Variants in TYW2 observed in about 807,000 individuals in gnomAD.
TYW2 encodes the protein tRNA wybutosine-synthesizing protein 2 homolog.
At chr8:124,451,394 T>C in the TYW2 span, 2 of 1,614,156 alleles carry the variant, frequency 1.2e-6, no homozygotes, top group South Asian at 1.1e-5. Flanking sequence ...TGGAAAAATC[T>C]GGGACCGGAA....
At chr8:124,451,309 G>A in the TYW2 span, 112 of 1,614,196 alleles carry the variant, frequency 6.9e-5, no homozygotes, top group African/African-American at 1.4e-3. Flanking sequence ...CGAGTTGGAG[G>A]CTGATTTGCC....
At chr8:124,450,908 G>A in the TYW2 span, 1 of 1,600,630 alleles carries the variant, frequency 6.2e-7, no homozygotes, top group South Asian at 1.1e-5. Context: ...ACTCTGAGGA[G>A]ATGGAGTATC....
chr8:124,451,115 G>GAGAGACGCTTCC, the TYW2 span: 3 of 1,613,990 alleles, frequency 1.9e-6, no homozygotes, highest in East Asian at 6.7e-5. Flanking sequence ...CCGGTGCTGG[G>GAGAGACGCTTCC]AGAGACGCTT....
chr8:124,451,591 ATC>A, the TYW2 span: 1 of 1,614,208 alleles, frequency 6.2e-7, no homozygotes. Flanking sequence ...CTTTGGAAAC[ATC>A]ACTGAGAAGC....
the TYW2 span, chr8:124,450,897 G>C: frequency 1.0e-5 from 16 of 1,581,180 alleles, no homozygotes; most frequent in South Asian, 1.2e-5. Flanking sequence ...CTGGTGAGCC[G>C]ACTCTGAGGA....
chr8:124,450,922 G>T, the TYW2 span: 1 of 1,610,160 alleles, frequency 6.2e-7, no homozygotes, highest in South Asian at 1.1e-5. Context: ...GAGTATCGCT[G>T]AGGTGATGAG....
At chr8:124,451,596 T>C in the TYW2 span, 7 of 1,614,206 alleles carry the variant, frequency 4.3e-6, no homozygotes, top group African/African-American at 1.3e-5. Flanking sequence ...GAAACATCAC[T>C]GAGAAGCTTC....
At chr8:124,450,849 T>G in the TYW2 span, 2 of 1,509,712 alleles carry the variant, frequency 1.3e-6, no homozygotes, top group East Asian at 2.3e-5. Context: ...CCGGGTGAGC[T>G]GCAGGCTACC....
chr8:124,451,783 C>T, the TYW2 span: 7 of 1,614,124 alleles, frequency 4.3e-6, 1 homozygote, highest in Middle Eastern at 1.6e-4. Context: ...AGTAGCAGAT[C>T]GGTGCCAAAT....
At chr8:124,452,764 G>C in the TYW2 span, 29 of 169,938 alleles carry the variant, frequency 1.7e-4, no homozygotes, top group Non-Finnish European at 3.3e-4. Context: ...GGAGGCTTCT[G>C]TGGTTGTCCA....
the TYW2 span, chr8:124,452,214 T>C: frequency 6.2e-7 from 1 of 1,614,114 alleles, no homozygotes; most frequent in Non-Finnish European, 8.5e-7. Flanking sequence ...AATCCTATGC[T>C]CCCCATGTGG....
At chr8:124,453,000 T>C in the TYW2 span, 5 of 164,704 alleles carry the variant, frequency 3.0e-5, no homozygotes, top group African/African-American at 9.7e-5. Flanking sequence ...GGGGTTGTCT[T>C]ATAAATTTGG....
chr8:124,452,277 G>C, the TYW2 span: 1 of 1,611,946 alleles, frequency 6.2e-7, no homozygotes, highest in Non-Finnish European at 8.5e-7. Flanking sequence ...TTGGCTAGAG[G>C]AGGTAGATCC....
chr8:124,451,949 CTT>C, the TYW2 span: 1 of 1,614,202 alleles, frequency 6.2e-7, no homozygotes, highest in Non-Finnish European at 8.5e-7. Context: ...AATGTGGAAT[CTT>C]TCCCAGGGAA....
chr8:124,451,712 A>G, the TYW2 span: 1 of 1,614,172 alleles, frequency 6.2e-7, no homozygotes, highest in Non-Finnish European at 8.5e-7. Context: ...GCCTTCGTCC[A>G]TGCTTGTGAG....
the TYW2 span, chr8:124,450,896 C>T: frequency 1.9e-6 from 3 of 1,579,744 alleles, no homozygotes; most frequent in Non-Finnish European, 2.6e-6. Context: ...CCTGGTGAGC[C>T]GACTCTGAGG....
At chr8:124,450,919 G>A in the TYW2 span, 7 of 1,608,834 alleles carry the variant, frequency 4.4e-6, no homozygotes, top group South Asian at 5.5e-5. Flanking sequence ...ATGGAGTATC[G>A]CTGAGGTGAT....
chr8:124,451,027 A>G, the TYW2 span: 44 of 1,614,112 alleles, frequency 2.7e-5, no homozygotes, highest in Non-Finnish European at 3.7e-5. Context: ...CCAGCGATAC[A>G]GAGAATATCT....
the TYW2 span, chr8:124,451,973 C>T: frequency 1.2e-6 from 2 of 1,614,178 alleles, no homozygotes; most frequent in Non-Finnish European, 1.7e-6. Context: ...AATCTTCAGG[C>T]TCTTGGAGTC....
Sources: allele counts gnomAD v4.1 joint callset, GRCh38; gene constraint gnomAD v4.1.1; transcripts MANE v1.5; gene names NCBI Gene and HGNC (gene_info 2026-07-23, HGNC 2026-07-21).